The following DLG5 variants were observed in gnomAD, a reference collection of about 807,000 sequenced individuals.
The protein encoded by DLG5 is disks large homolog 5.
A neutral mutation model predicts 189.8 loss-of-function variants in DLG5; 48 were observed. The observed-to-expected ratio is 0.25, with a 90% CI of 0.20 to 0.32. The LOEUF (loss-of-function observed/expected upper bound fraction) is 0.32. DLG5 is among the 10% of genes least tolerant of loss of function. The pLI is 1.00. For missense variants in DLG5, 2,160 were observed against 2,544.7 expected (o/e 0.85, Z 3.25); for synonymous variants, 1,016 against 1,054.1 (o/e 0.96, Z 0.70).
At chr10:77,836,585 G>A (rs2154576129) in intron 7 of DLG5, among the ~76,000 whole-genome samples, 1 of 152,238 alleles carries the variant, frequency 6.6e-6, no homozygotes, top group East Asian at 1.9e-4. Context: ...GACAGCAGGA[G>A]ACAGCAGCCT....
At chr10:77,794,197 G>A (rs554834978) in intron 30 of DLG5, 80 bp from the exon 31 acceptor site, 3 of 1,365,474 alleles carry the variant, frequency 2.2e-6, no homozygotes, top group African/African-American at 2.9e-5. Flanking sequence ...GGCTAACAGG[G>A]GCCCCATCAA....
chr10:77,906,815 G>A (rs1846083950), intron 1 of DLG5, among the ~76,000 whole-genome samples: 1 of 151,786 alleles, frequency 6.6e-6, no homozygotes, highest in South Asian at 2.1e-4. Flanking sequence ...CAGTAGACAT[G>A]GGGTTTCACT....
the DLG5 span, among the ~76,000 whole-genome samples, chr10:77,937,650 A>T: frequency 1.3e-5 from 2 of 150,954 alleles, no homozygotes; most frequent in Admixed American, 1.3e-4. Context: ...CACCTACCCC[A>T]CAAATGACCA....
intron 2 of DLG5, chr10:77,867,137 G>C (rs937976363): frequency 1.3e-5 from 6 of 452,416 alleles, no homozygotes; most frequent in African/African-American, 4.0e-5. Flanking sequence ...GGTGGGTCAC[G>C]GCCATGACGC....
intron 1 of DLG5, among the ~76,000 whole-genome samples, chr10:77,872,028 A>T (rs1157258661): frequency 6.6e-6 from 1 of 152,104 alleles, no homozygotes; most frequent in Non-Finnish European, 1.5e-5. Context: ...TTTTTTCTTT[A>T]TGGGGGCAAG....
At chr10:77,818,228 G>T (rs144183146) in intron 17 of DLG5, among the ~76,000 whole-genome samples, 38 of 152,256 alleles carry the variant, frequency 2.5e-4, no homozygotes, top group African/African-American at 8.9e-4. Context: ...TGTCCTCCCA[G>T]GAAGTGGGTA....
chr10:77,792,466 G>A lies in DLG5; in HGVS notation c.5734C>T (p.Leu1912=), dbSNP rs955369286. ...TAGAGCGGGCAGGCTGGAATCCACAGGACTTTATTTTGTTCTTGATTGACC... is the reference window on the plus strand; with the variant it reads ...TAGAGCGGGCAGGCTGGAATCCACAAGACTTTATTTTGTTCTTGATTGACC... ...AMVNQEQNKV[L]WIPACPL is the part of the protein sequence containing the mutation. Residue 1912 remains leucine, a synonymous_variant, in exon 32 of 32, where the codon CTG becomes TTG. Transcript: ENST00000372391. The A allele has an allele frequency of 6.2e-7, 1 of 1,614,174 alleles. No homozygotes were observed. The highest frequency in any genetic ancestry group is 8.5e-7 in the Non-Finnish European group (1 of 1,180,022).
At position 77,835,750 on chromosome 10, in the gene DLG5, C is replaced by T. The variant is rs141342062; in HGVS notation, c.1610G>A (p.Arg537His). The change falls in exon 8 of 32, where the codon CGT (arginine) becomes CAT (histidine). Residue 537 changes from arginine (R) to histidine (H), a missense_variant. Coordinates refer to ENST00000372391, the MANE Select transcript of DLG5 (RefSeq NM_004747.4). ...GGTCACCCCATACCGGATGCTGTCA[C>T]GCTCTGCTACAATCTTGTCTCGCTC... is the stretch of plus-strand genomic sequence containing the variant. ...FQERDKIVAE[R>H]DSIRTLCDNL... The T allele has an allele frequency of 4.3e-6, 7 of 1,611,490 alleles. No homozygotes were observed. Among genetic ancestry groups the T allele is most frequent in the East Asian group, 2.2e-5 (1 of 44,876 alleles).
chr10:77,858,975 C>T (rs762759921), intron 2 of DLG5, among the ~76,000 whole-genome samples: 19 of 152,066 alleles, frequency 1.2e-4, no homozygotes, highest in African/African-American at 4.3e-4. Context: ...TGGGCTCAAG[C>T]GATCCTCTCA....
At chr10:77,922,735 TGAGA>T (rs1846572901) in intron 1 of DLG5, among the ~76,000 whole-genome samples, 1 of 152,100 alleles carries the variant, frequency 6.6e-6, no homozygotes, top group Non-Finnish European at 1.5e-5. Flanking sequence ...ACAGAGTTAA[TGAGA>T]TATGAAGATA....
At chr10:77,924,463 G>T (rs528107159) in intron 1 of DLG5, among the ~76,000 whole-genome samples, 1 of 152,140 alleles carries the variant, frequency 6.6e-6, no homozygotes, top group Non-Finnish European at 1.5e-5. Flanking sequence ...TAAGGCGAGC[G>T]TTGATTCACA....
intron 20 of DLG5, among the ~76,000 whole-genome samples, chr10:77,812,995 T>C (rs1841859037): frequency 1.3e-5 from 2 of 152,220 alleles, no homozygotes; most frequent in South Asian, 4.1e-4. Context: ...GCCAACTGCA[T>C]GGTGGAAGAC....
At chr10:77,816,079 G>A (rs1603641238) in intron 20 of DLG5, 1 of 462,824 alleles carries the variant, frequency 2.2e-6, no homozygotes, top group Non-Finnish European at 4.3e-6. Flanking sequence ...CTTCGAATGA[G>A]AGGGAAAAAG....
intron 1 of DLG5, among the ~76,000 whole-genome samples, chr10:77,882,282 C>A (rs1845305167): frequency 6.6e-6 from 1 of 151,484 alleles, no homozygotes; most frequent in Non-Finnish European, 1.5e-5. Context: ...TGACCAGGAG[C>A]AAATACTTTT....
rs183966789 is a variant in DLG5, at chr10:77,904,216, G to A, written c.304+22001C>T. Among the ~76,000 whole-genome samples the A allele has an allele frequency of 3.4e-4, 52 of 152,256 alleles. No individual in the cohort carries two copies. The East Asian group carries it at 9.3e-3, about 27-fold the overall frequency. On this transcript the variant is annotated intron_variant, in intron 1 of 31. Coordinates refer to ENST00000372391, the MANE Select transcript of DLG5 (RefSeq NM_004747.4). ...TCAACAAAAGGAAAAAGAACATGTT[G>A]CTCCTCTCATTCTGTCTTGCTGCCA...
chr10:77,912,343 T>G (rs909349842), intron 1 of DLG5: 1 of 152,026 alleles, frequency 6.6e-6, no homozygotes, highest in African/African-American at 2.4e-5. Flanking sequence ...CCACCACTGA[T>G]CAGCATGAGA....
intron 3 of DLG5, among the ~76,000 whole-genome samples, chr10:77,854,714 G>C (rs1844147403): frequency 6.6e-6 from 1 of 152,120 alleles, no homozygotes; most frequent in Non-Finnish European, 1.5e-5. Flanking sequence ...GGCTCGGCGT[G>C]ACAGCTCGTG....
chr10:77,812,176 T>G (rs749533041), intron 21 of DLG5, 39 bp downstream of exon 21: 2 of 1,601,368 alleles, frequency 1.2e-6, no homozygotes, highest in African/African-American at 2.7e-5. Context: ...GAAGTGCAGG[T>G]TTCCATGGGC....
chr10:77,796,861 C>T lies in DLG5; in HGVS notation c.5165-267G>A, dbSNP rs1275388230. ...GCTTCCTTCTGCTCTGATTTTTCCT[C>T]GTGGGTCGACGCCTGCTTCCCCTGC... On this transcript the variant is annotated intron_variant, in intron 27 of 31. Coordinates refer to ENST00000372391, the MANE Select transcript of DLG5 (RefSeq NM_004747.4). The surrounding 1 kb of genome is among the most constrained non-coding windows in gnomAD (Gnocchi z 5.2). Among the ~76,000 whole-genome samples, 5 of 152,170 alleles carry T rather than the reference C, an allele frequency of 3.3e-5. No individual in the cohort carries two copies. Among genetic ancestry groups the T allele is most frequent in the Non-Finnish European group, 7.3e-5 (5 of 68,038 alleles).
Sources: gnomAD v4.1 joint callset for allele counts (sites outside exome capture counted in the v4.1 genomes callset) on GRCh38, gnomAD v4.1.1 for gene constraint, Gnocchi (gnomAD v3.1) non-coding constraint, MANE v1.5 for transcripts, NCBI Gene and HGNC (gene_info 2026-07-23, HGNC 2026-07-21) for gene names.